FAT3: variants seen among roughly 807,000 people sequenced by gnomAD.
The protein encoded by FAT3 is FAT atypical cadherin 3, also known as protocadherin Fat 3.
Under a neutral mutation model 310.2 loss-of-function variants are expected in FAT3, and 95 were observed. That is an observed-to-expected ratio of 0.31 (90% CI 0.26 to 0.36). FAT3 has a LOEUF of 0.36. FAT3 is among the 10% of genes least tolerant of loss of function. The pLI is 1.00. For missense variants in FAT3, 5,408 were observed against 5,715.6 expected (o/e 0.95, Z 1.74); for synonymous variants, 2,314 against 2,192.9 (o/e 1.06, Z -1.54).
intron 2 of FAT3, among the ~76,000 whole-genome samples, chr11:92,456,896 C>A (rs1238969845): frequency 2.0e-5 from 3 of 152,112 alleles, no homozygotes; most frequent in African/African-American, 4.8e-5. Context: ...CTGCCTTATG[C>A]CTACATGACC....
At chr11:92,777,058 T>C (rs549549530) in intron 7 of FAT3, among the ~76,000 whole-genome samples, 8 of 152,316 alleles carry the variant, frequency 5.3e-5, no homozygotes, top group South Asian at 2.1e-4. Context: ...TGAATTTCTT[T>C]TGGAAACCAT....
At chr11:92,857,843 A>G (rs983385363) in intron 20 of FAT3, among the ~76,000 whole-genome samples, 4 of 152,164 alleles carry the variant, frequency 2.6e-5, no homozygotes, top group Admixed American at 2.0e-4. Flanking sequence ...AACTAACTTC[A>G]TGTTCCAGCT....
At chr11:92,275,143 A>G (rs936841185) in intron 1 of FAT3, among the ~76,000 whole-genome samples, 2 of 152,120 alleles carry the variant, frequency 1.3e-5, no homozygotes, top group Admixed American at 6.6e-5. Context: ...CACTGAAAGT[A>G]GGAGCCTCTC....
At chr11:92,369,150 T>C (rs1949115620) in intron 2 of FAT3, among the ~76,000 whole-genome samples, 2 of 152,130 alleles carry the variant, frequency 1.3e-5, no homozygotes, top group South Asian at 2.1e-4. Context: ...TTTGAACTGA[T>C]GCGGTTAAAA....
chr11:92,858,578 A>G (rs977544555), intron 20 of FAT3, among the ~76,000 whole-genome samples: 1 of 152,252 alleles, frequency 6.6e-6, no homozygotes. Context: ...AGAATTGAGC[A>G]ATCGAGTTGG....
chr11:92,815,790 TG>T (rs1565620684), intron 13 of FAT3, among the ~76,000 whole-genome samples: 2 of 152,070 alleles, frequency 1.3e-5, no homozygotes, highest in African/African-American at 2.4e-5. Context: ...AGATGAAACA[TG>T]GGGACACATT....
intron 6 of FAT3, among the ~76,000 whole-genome samples, chr11:92,770,440 G>T (rs781584890): frequency 3.3e-5 from 5 of 152,026 alleles, no homozygotes; most frequent in Non-Finnish European, 2.9e-5. Context: ...GAAAATTAGG[G>T]GAAAATGATA....
At chr11:92,723,426 A>G (rs1448348432) in intron 4 of FAT3, among the ~76,000 whole-genome samples, 1 of 152,154 alleles carries the variant, frequency 6.6e-6, no homozygotes, top group Non-Finnish European at 1.5e-5. Flanking sequence ...AAGCCATTAA[A>G]CAAGTCTCTA....
chr11:92,541,778 G>A (rs575466959), intron 3 of FAT3, among the ~76,000 whole-genome samples: 3 of 152,042 alleles, frequency 2.0e-5, no homozygotes, highest in Admixed American at 6.6e-5. Context: ...TTTGATATGT[G>A]GGGGGAGAAA....
chr11:92,830,965 C>T (rs1419774975), intron 13 of FAT3, among the ~76,000 whole-genome samples: 2 of 152,194 alleles, frequency 1.3e-5, no homozygotes, highest in African/African-American at 4.8e-5. Flanking sequence ...CTGCCTTGTT[C>T]AGGCCGCCAA....
chr11:92,252,244 A>C (rs550360279), intron 1 of FAT3, among the ~76,000 whole-genome samples: 1 of 152,292 alleles, frequency 6.6e-6, no homozygotes, highest in African/African-American at 2.4e-5. Context: ...CTAATTTAGC[A>C]ACTTTGCCTA....
At chr11:92,707,608 C>G (rs868865144) in intron 4 of FAT3, among the ~76,000 whole-genome samples, 1 of 152,232 alleles carries the variant, frequency 6.6e-6, no homozygotes. Flanking sequence ...ACTGTGAATC[C>G]CCCATCCTAG....
rs776405239 is a variant in FAT3 at position 92,765,020 on chromosome 11, A to G, written c.4126A>G (p.Arg1376Gly). ...TAACTTCACAGTCATGGAAAGTGAT[A>G]GAGTGACTGAAATTGTAGGGGTGGT... is the stretch of plus-strand genomic sequence containing the variant. The part of the protein sequence containing the change: ...FYNFTVMESD[R>G]VTEIVGVVSV... The change falls in exon 6 of 28, where the codon AGA becomes GGA. Residue 1376 changes from arginine (R) to glycine (G), a missense_variant. Arg to Gly is a moderately radical substitution (Grantham distance 125). Around this residue, in one of 5 missense-constraint regions of FAT3, gnomAD observed 4,588 missense variants for 4,809.8 expected, o/e 0.95. Transcript: ENST00000525166. 2 of 1,613,814 alleles carry G rather than the reference A, an allele frequency of 1.2e-6. No homozygotes were observed. Among genetic ancestry groups the G allele is most frequent in the African/African-American group, 2.7e-5 (2 of 74,902 alleles).
chr11:92,420,899 G>A (rs950429726), intron 2 of FAT3, among the ~76,000 whole-genome samples: 1 of 151,988 alleles, frequency 6.6e-6, no homozygotes, highest in Non-Finnish European at 1.5e-5. Context: ...CTAGTAATAG[G>A]TTTATTATGC....
intron 2 of FAT3, among the ~76,000 whole-genome samples, chr11:92,489,649 T>C (rs1952543404): frequency 6.6e-6 from 1 of 152,150 alleles, no homozygotes; most frequent in Non-Finnish European, 1.5e-5. Flanking sequence ...CTTTAATATC[T>C]TTCCAAATTT....
chr11:92,718,816 C>T (rs1309365875), intron 4 of FAT3, among the ~76,000 whole-genome samples: 1 of 152,160 alleles, frequency 6.6e-6, no homozygotes, highest in East Asian at 1.9e-4. Flanking sequence ...CTGATGCTTA[C>T]AGTCTCATTA....
At chr11:92,739,682 G>T (rs984178424) in intron 4 of FAT3, among the ~76,000 whole-genome samples, 11 of 152,212 alleles carry the variant, frequency 7.2e-5, no homozygotes, top group Admixed American at 2.0e-4. Flanking sequence ...CATAGAATGA[G>T]ATTTTTCAGG....
chr11:92,870,864 G>A (rs1278997525), intron 22 of FAT3, among the ~76,000 whole-genome samples: 2 of 152,200 alleles, frequency 1.3e-5, no homozygotes, highest in African/African-American at 2.4e-5. Context: ...TACCTTGAAA[G>A]TGCTTATGCC....
At chr11:92,433,562 C>T (rs906170957) in intron 2 of FAT3, among the ~76,000 whole-genome samples, 22 of 152,268 alleles carry the variant, frequency 1.4e-4, no homozygotes, top group African/African-American at 5.3e-4. Flanking sequence ...GTGGGCTGCA[C>T]CCACTATGTA....
Sources: allele counts gnomAD v4.1 joint callset (sites outside exome capture counted in the v4.1 genomes callset), GRCh38; gene constraint gnomAD v4.1.1; regional missense constraint gnomAD v4.1.1; transcripts MANE v1.5; gene names NCBI Gene and HGNC (gene_info 2026-07-23, HGNC 2026-07-21).